The following AUTS2 variants were observed in gnomAD, a reference collection of about 807,000 sequenced individuals.
AUTS2 encodes the protein autism susceptibility gene 2 protein.
In AUTS2, 17 loss-of-function variants were observed where a neutral mutation model predicts 112.4. The observed-to-expected ratio is 0.15, with a 90% CI of 0.10 to 0.23. AUTS2 has a LOEUF of 0.23. AUTS2 is among the 10% of genes least tolerant of loss of function. The probability of loss-of-function intolerance (pLI) is 1.00; values close to 1 mark genes in which losing one functional copy is unlikely to be tolerated. For synonymous variants in AUTS2, 751 were observed against 702.7 expected (o/e 1.07, Z -1.09); for missense variants, 1,510 against 1,701.6 (o/e 0.89, Z 1.98).
At chr7:70,388,595 A>G (rs755452623) in intron 4 of AUTS2, among the ~76,000 whole-genome samples, 1 of 152,224 alleles carries the variant, frequency 6.6e-6, no homozygotes, top group Non-Finnish European at 1.5e-5. Flanking sequence ...TCATCTTCAT[A>G]TTGTAATGCC....
chr7:70,082,513 T>C (rs543916819), intron 2 of AUTS2, among the ~76,000 whole-genome samples: 1 of 152,228 alleles, frequency 6.6e-6, no homozygotes, highest in Non-Finnish European at 1.5e-5. Flanking sequence ...CCCAAAGGAC[T>C]AAAATTGTTC....
Position 70,361,258 on chromosome 7 carries a change from G to A in AUTS2, c.661-74494G>A, listed in dbSNP as rs893886078. On this transcript the variant is annotated intron_variant, in intron 4 of 18. Coordinates refer to ENST00000342771, the MANE Select transcript of AUTS2 (RefSeq NM_015570.4). ...TGAGGCAGGAGAATGGCGTGAACACGGGAGGCGGAGCTTGCAGTGAGCCGA... is the reference window on the plus strand; with the variant it reads ...TGAGGCAGGAGAATGGCGTGAACACAGGAGGCGGAGCTTGCAGTGAGCCGA... Among the ~76,000 whole-genome samples the A allele has an allele frequency of 3.9e-5, 6 of 152,060 alleles. No individual in the cohort carries two copies. The East Asian group carries it at 7.7e-4, about 20-fold the overall frequency.
At chr7:70,272,502 A>G (rs998342674) in intron 4 of AUTS2, among the ~76,000 whole-genome samples, 3 of 152,144 alleles carry the variant, frequency 2.0e-5, no homozygotes, top group African/African-American at 4.8e-5. Context: ...TTTTGGTGGC[A>G]TCTTTTGAAA....
intron 1 of AUTS2, among the ~76,000 whole-genome samples, chr7:69,706,370 A>AG (rs879303752): frequency 2.0e-5 from 3 of 152,136 alleles, no homozygotes; most frequent in African/African-American, 7.2e-5. Flanking sequence ...TTAGTAAGTG[A>AG]GGGGGAAATT....
chr7:69,944,953 AAAAC>A (rs111474854), intron 2 of AUTS2, among the ~76,000 whole-genome samples: 11 of 152,136 alleles, frequency 7.2e-5, no homozygotes, highest in African/African-American at 1.4e-4. Flanking sequence ...TATGTAGGTA[AAAAC>A]AAACAAACAA....
At chr7:69,798,281 C>T (rs1789936360) in intron 1 of AUTS2, among the ~76,000 whole-genome samples, 2 of 152,158 alleles carry the variant, frequency 1.3e-5, no homozygotes, top group Admixed American at 1.3e-4. Context: ...ACTCATTTTA[C>T]ACATGAGAAA....
intron 1 of AUTS2, among the ~76,000 whole-genome samples, chr7:69,619,558 T>C (rs185388927): frequency 6.6e-6 from 1 of 152,304 alleles, no homozygotes; most frequent in East Asian, 1.9e-4. Context: ...ACCACCAGAA[T>C]GATCAGTTCT....
At chr7:69,737,217 T>C (rs1787068433) in intron 1 of AUTS2, among the ~76,000 whole-genome samples, 1 of 152,236 alleles carries the variant, frequency 6.6e-6, no homozygotes, top group Admixed American at 6.5e-5. Context: ...ATTGTTTTTT[T>C]TGTTTCTTTT....
chr7:69,976,550 T>G (rs1459005414), intron 2 of AUTS2, among the ~76,000 whole-genome samples: 1 of 152,230 alleles, frequency 6.6e-6, no homozygotes, highest in Non-Finnish European at 1.5e-5. Context: ...ACCTCCATAG[T>G]GTTTTCTATA....
At chr7:69,664,908 C>G (rs1010338704) in intron 1 of AUTS2, among the ~76,000 whole-genome samples, 4 of 152,084 alleles carry the variant, frequency 2.6e-5, no homozygotes, top group African/African-American at 9.7e-5. Context: ...TTGTTAAATT[C>G]TAGGGGTTTA....
At chr7:69,669,578 G>T (rs1796220423) in intron 1 of AUTS2, among the ~76,000 whole-genome samples, 1 of 151,906 alleles carries the variant, frequency 6.6e-6, no homozygotes, top group South Asian at 2.1e-4. Context: ...TATCTTGTAG[G>T]TATTTAAAAT....
At chr7:69,952,895 C>A (rs1325042377) in intron 2 of AUTS2, among the ~76,000 whole-genome samples, 1 of 152,048 alleles carries the variant, frequency 6.6e-6, no homozygotes, top group Non-Finnish European at 1.5e-5. Context: ...AGATAGATAT[C>A]CCTTGTTTTG....
Position 69,632,553 on chromosome 7 carries a change from C to G in AUTS2, c.309+32591C>G, listed in dbSNP as rs577174848. 8.4e-4 allele frequency among the ~76,000 whole-genome samples: 124 copies of G among 147,704 alleles called. 1 individual carries two copies. The highest frequency in any genetic ancestry group is 1.5e-3 in the Non-Finnish European group (101 of 66,602). ...CTCCCTTCTCTCTTCCATCCTGCCTCTCCTCTCCCTCCCCCTCTCCCCTCT... is the reference window on the plus strand; with the variant it reads ...CTCCCTTCTCTCTTCCATCCTGCCTGTCCTCTCCCTCCCCCTCTCCCCTCT... On this transcript the variant is annotated intron_variant, in intron 1 of 18. Coordinates refer to ENST00000342771, the MANE Select transcript of AUTS2 (RefSeq NM_015570.4).
chr7:69,743,773 A>T lies in AUTS2; in HGVS notation c.309+143811A>T, dbSNP rs116489162. On this transcript the variant is annotated intron_variant, in intron 1 of 18. Transcript: ENST00000342771. Reference sequence around the variant, plus strand: ...TCTGGCCTATTCACTCAGCATAATTATTTTAAATTTTATCTACCTACCTGC... The same window carrying T: ...TCTGGCCTATTCACTCAGCATAATTTTTTTAAATTTTATCTACCTACCTGC... Among the ~76,000 whole-genome samples the T allele has an allele frequency of 2.9e-3, 444 of 152,246 alleles. 5 individuals are homozygous for T. Among genetic ancestry groups the T allele is most frequent in the African/African-American group, 0.01 (430 of 41,560 alleles).
At chr7:70,472,287 C>T (rs1797416025) in intron 5 of AUTS2, among the ~76,000 whole-genome samples, 1 of 151,982 alleles carries the variant, frequency 6.6e-6, no homozygotes, top group Non-Finnish European at 1.5e-5. Flanking sequence ...AATCAGAATT[C>T]CTAGCCATGT....
chr7:70,276,581 G>T (rs548061800), intron 4 of AUTS2, among the ~76,000 whole-genome samples: 3 of 152,194 alleles, frequency 2.0e-5, no homozygotes, highest in Non-Finnish European at 4.4e-5. Flanking sequence ...GTTTTGCCAT[G>T]TTGGCCAGGC....
intron 1 of AUTS2, among the ~76,000 whole-genome samples, chr7:69,841,220 G>T (rs76994392): frequency 6.6e-6 from 1 of 152,132 alleles, no homozygotes; most frequent in African/African-American, 2.4e-5. Flanking sequence ...TAATTTATAA[G>T]GAAAAGAAGT....
intron 4 of AUTS2, among the ~76,000 whole-genome samples, chr7:70,171,641 T>C (rs1267412801): frequency 6.6e-6 from 1 of 152,172 alleles, no homozygotes; most frequent in Non-Finnish European, 1.5e-5. Flanking sequence ...TTAGTCAAAT[T>C]TGGAGGAGAA....
chr7:70,675,053 C>T (rs1807838882), intron 5 of AUTS2, among the ~76,000 whole-genome samples: 1 of 152,088 alleles, frequency 6.6e-6, no homozygotes, highest in Non-Finnish European at 1.5e-5. Context: ...CTTCTCTCTA[C>T]CTCAGGTGTG....
Sources: allele counts gnomAD v4.1 joint callset (sites outside exome capture counted in the v4.1 genomes callset), GRCh38; gene constraint gnomAD v4.1.1; transcripts MANE v1.5; gene names NCBI Gene and HGNC (gene_info 2026-07-23, HGNC 2026-07-21).